MYH9: variants seen among roughly 807,000 people sequenced by gnomAD.
MYH9 encodes the protein myosin heavy chain 9.
A neutral mutation model predicts 241.9 loss-of-function variants in MYH9; 29 were observed. That is an observed-to-expected ratio of 0.12 (90% CI 0.09 to 0.16). MYH9 has a LOEUF of 0.16. MYH9 is among the 10% of genes least tolerant of loss of function. MYH9 has a pLI of 1.00. For missense variants in MYH9, 1,803 were observed against 2,595.5 expected (o/e 0.69, Z 6.63); for synonymous variants, 1,047 against 1,062.6 (o/e 0.99, Z 0.29).
At chr22:36,338,511 G>A (rs185494107) in intron 3 of MYH9, among the ~76,000 whole-genome samples, 8 of 152,078 alleles carry the variant, frequency 5.3e-5, no homozygotes, top group African/African-American at 1.7e-4. Flanking sequence ...CCTATCCCTG[G>A]TCTCCAAAAG....
At chr22:36,385,483 C>CA (rs1214108071) in intron 1 of MYH9, among the ~76,000 whole-genome samples, 15 of 152,110 alleles carry the variant, frequency 9.9e-5, no homozygotes, top group African/African-American at 3.6e-4. Flanking sequence ...CAAGAGCGGG[C>CA]AAAAGGCAGG....
intron 2 of MYH9, among the ~76,000 whole-genome samples, chr22:36,344,461 GCAGCACC>G (rs2017643173): frequency 2.0e-5 from 3 of 151,946 alleles, no homozygotes; most frequent in African/African-American, 4.8e-5. Flanking sequence ...CCCCATCCAG[GCAGCACC>G]TCCCCATCCA....
chr22:36,298,939 G>T lies in MYH9; in HGVS notation c.3080C>A (p.Ala1027Glu), dbSNP rs1279963355. The change falls in exon 24 of 41, where the codon GCA (alanine) becomes GAA (glutamate). Residue 1027 changes from alanine (A) to glutamate (E), a missense_variant. This residue lies in a region of MYH9 where 290 missense variants were observed against 360.5 expected (regional missense o/e 0.80). Transcript: ENST00000216181. The stretch of plus-strand genomic sequence containing the variant: ...CTCACCTTCCAAGTCAGTGATCATT[G>T]CCTCATGCTTGTTCTTGAGCTTGGC... ...SLAKLKNKHE[A>E]MITDLEERLR... 1.9e-6 allele frequency: 3 copies of T among 1,613,870 alleles called. No homozygotes were observed. In the Admixed American group the frequency reaches 5.0e-5, roughly 27 times the overall value.
rs2017588238 is a variant in MYH9, at chr22:36,341,417, G to A, written c.443C>T (p.Pro148Leu). Residue 148 changes from proline to leucine, a missense_variant, in exon 3 of 41, where the codon CCT becomes CTT. By Grantham distance (98) the Pro-to-Leu change is moderately conservative. This residue lies in a region of MYH9 where 72 missense variants were observed against 134.3 expected (regional missense o/e 0.54). Transcript: ENST00000216181. ...YKGKKRHEMP[P>L]HIYAITDTAY... The stretch of plus-strand genomic sequence containing the variant: ...GGTGTCTGTGATGGCATAGATGTGA[G>A]GGGGCATCTCGTGCCTCTTCTTGCC... 1 of 1,614,068 alleles carries A rather than the reference G, an allele frequency of 6.2e-7. No homozygotes were observed. The highest frequency in any genetic ancestry group is 1.3e-5 in the African/African-American group (1 of 74,942).
chr22:36,346,302 A>C (rs1448571862), intron 2 of MYH9, among the ~76,000 whole-genome samples: 1 of 152,260 alleles, frequency 6.6e-6, no homozygotes, highest in Non-Finnish European at 1.5e-5. Context: ...CTGATTTAGC[A>C]ATCAACAAGG....
chr22:36,385,168 TTTTC>T (rs2018332451), intron 1 of MYH9, among the ~76,000 whole-genome samples: 1 of 149,658 alleles, frequency 6.7e-6, no homozygotes, highest in Admixed American at 6.7e-5. Flanking sequence ...GGGTTTTTTT[TTTTC>T]TCTCTCTCTC....
At position 36,281,345 on chromosome 22, in the gene MYH9, G is replaced by A. The variant is rs2016484775; in HGVS notation, c.*1323C>T. On this transcript the variant is annotated 3_prime_UTR_variant, in exon 41 of 41. Coordinates refer to ENST00000216181, the MANE Select transcript of MYH9 (RefSeq NM_002473.6). The stretch of plus-strand genomic sequence containing the variant: ...ATCTGTAAACCAGCTTACTGTAGTG[G>A]TGACAGCTGCAACACATGCTAAGGC... The A allele has an allele frequency of 4.6e-6, 1 of 217,796 alleles. No individual in the cohort carries two copies. The highest frequency in any genetic ancestry group is 5.8e-5 in the Admixed American group (1 of 17,192). The allele number at this position is 217,796 out of a possible 1,614,324, so 13.5% of individuals were successfully genotyped here.
rs765908295 is a variant in MYH9, at chr22:36,294,081, G to A, written c.3837+11C>T. 25 of 1,606,842 alleles carry A rather than the reference G, an allele frequency of 1.6e-5. No individual in the cohort carries two copies. The highest frequency in any genetic ancestry group is 2.2e-5 in the East Asian group (1 of 44,886). ...CCACTGCCCGCGCCAGGGTCCTGGC[G>A]GAGGCCTCACCTGCAGCTTGGTGAC... On this transcript the variant is annotated intron_variant, in intron 28 of 40. Transcript: ENST00000216181.
chr22:36,296,938 G>A lies in MYH9; in HGVS notation c.3177C>T (p.Asp1059=), dbSNP rs140004540. 9.9e-6 allele frequency: 16 copies of A among 1,614,132 alleles called. No homozygotes were observed. The highest frequency in any genetic ancestry group is 1.3e-5 in the Non-Finnish European group (15 of 1,180,020). ...TRRKLEGDST[D]LSDQIAELQA... ...GGAGCTCGGCGATCTGGTCGCTGAG[G>A]TCTGTGGAGTCTCCCTCCAGCTTCC... The change falls in exon 25 of 41, where the codon GAC becomes GAT. Residue 1059 remains aspartate (D), a synonymous_variant. Coordinates refer to ENST00000216181, the MANE Select transcript of MYH9 (RefSeq NM_002473.6).
intron 3 of MYH9, among the ~76,000 whole-genome samples, chr22:36,334,474 G>C (rs1257703163): frequency 6.6e-6 from 1 of 152,230 alleles, no homozygotes; most frequent in Non-Finnish European, 1.5e-5. Flanking sequence ...CCTCAGCTCT[G>C]CGTGGACCAG....
rs2017728081 is a variant in MYH9 at position 36,349,161 on chromosome 22, A to G, written c.76T>C (p.Trp26Arg). ...FINNPLAQADWAAKKLVWVPS... is the reference protein window; with the variant it reads ...FINNPLAQADRAAKKLVWVPS... The stretch of plus-strand genomic sequence containing the variant: ...ACCCATACCAGCTTCTTGGCAGCCC[A>G]GTCGGCCTGGGCCAGCGGATTGTTG... Residue 26 changes from tryptophan (W) to arginine (R), a missense_variant, in exon 2 of 41, where the codon TGG becomes CGG. By Grantham distance (101) the Trp-to-Arg change is moderately radical. This residue lies in a region of MYH9 where 75 missense variants were observed against 79.1 expected (regional missense o/e 0.95). Coordinates refer to ENST00000216181, the MANE Select transcript of MYH9 (RefSeq NM_002473.6). 1.2e-6 allele frequency: 2 copies of G among 1,614,112 alleles called. No homozygotes were observed. The highest frequency in any genetic ancestry group is 1.3e-5 in the African/African-American group (1 of 74,950).
chr22:36,298,469 A>G (rs1291622998), intron 24 of MYH9, among the ~76,000 whole-genome samples: 1 of 152,198 alleles, frequency 6.6e-6, no homozygotes, highest in Non-Finnish European at 1.5e-5. Context: ...TGAAATTCTC[A>G]CAGACACCCT....
chr22:36,302,433 A>C lies in MYH9; in HGVS notation c.2499+135T>G, dbSNP rs887681549. 3.6e-5 allele frequency: 26 copies of C among 727,372 alleles called. No individual in the cohort carries two copies. In the East Asian group the frequency reaches 7.2e-4, roughly 20 times the overall value. 45.1% of individuals were successfully genotyped at this position (727,372 alleles called of 1,614,324 possible). ...GAGGCTGAGGTAGGAGGATTGCTGGAGCCCAAGAGTTTGTGACCAACCTGG... is the reference window on the plus strand; with the variant it reads ...GAGGCTGAGGTAGGAGGATTGCTGGCGCCCAAGAGTTTGTGACCAACCTGG... On this transcript the variant is annotated intron_variant, in intron 20 of 40. Transcript: ENST00000216181.
At chr22:36,309,749 A>ATGT (rs1488152615) in intron 14 of MYH9, among the ~76,000 whole-genome samples, 1 of 152,016 alleles carries the variant, frequency 6.6e-6, no homozygotes, top group Non-Finnish European at 1.5e-5. Context: ...GGACAACAAA[A>ATGT]TGTTACTATT....
At chr22:36,326,779 C>A (rs773170337) in intron 4 of MYH9, 118 bp from the exon 5 acceptor site, 1 of 843,918 alleles carries the variant, frequency 1.2e-6, no homozygotes, top group East Asian at 2.5e-5. Flanking sequence ...AAGGACCCAA[C>A]GTGTGGCAGA....
At chr22:36,292,420 C>A (rs922507183) in intron 30 of MYH9, among the ~76,000 whole-genome samples, 186 bp from the exon 31 acceptor site, 1 of 152,224 alleles carries the variant, frequency 6.6e-6, no homozygotes, top group Admixed American at 6.5e-5. Context: ...GGAGCTTCTG[C>A]AAAGGGGCAT....
In MYH9 at chr22:36,305,177, T is replaced by G; in HGVS notation, c.2160-75A>C. The stretch of plus-strand genomic sequence containing the variant: ...ACATGCCTGGAATATAGGCGAGAGA[T>G]TAACATCATTTCTACAATGCAACAG... On this transcript the variant is annotated intron_variant, in intron 17 of 40. Transcript: ENST00000216181. The surrounding 1 kb of genome is among the most constrained non-coding windows in gnomAD (Gnocchi z 4.7). 1 of 1,250,592 alleles carries G rather than the reference T, an allele frequency of 8.0e-7. No individual in the cohort carries two copies. The highest frequency in any genetic ancestry group is 1.7e-5 in the Admixed American group (1 of 58,278). 77.5% of individuals were successfully genotyped at this position (1,250,592 alleles called of 1,614,324 possible).
At chr22:36,386,503 G>A (rs1394447235) in intron 1 of MYH9, among the ~76,000 whole-genome samples, 1 of 152,212 alleles carries the variant, frequency 6.6e-6, no homozygotes, top group Non-Finnish European at 1.5e-5. Context: ...GCGCTGCACG[G>A]AGAAGGAGCT....
chr22:36,322,613 G>A lies in MYH9; in HGVS notation c.613-92C>T, dbSNP rs1300379469. 6 of 1,255,228 alleles carry A rather than the reference G, an allele frequency of 4.8e-6. No homozygotes were observed. In the African/African-American group the frequency reaches 7.4e-5, roughly 15 times the overall value. The allele number at this position is 1,255,228 out of a possible 1,614,324, so 77.8% of individuals were successfully genotyped here. On this transcript the variant is annotated intron_variant, in intron 5 of 40. Transcript: ENST00000216181. ...GGAAGGGGGACGATGGCAGAGCCGT[G>A]TCAGCATGTCCAACGTGCCAGGAAC...
Sources: gnomAD v4.1 joint callset for allele counts (sites outside exome capture counted in the v4.1 genomes callset) on GRCh38, gnomAD v4.1.1 for gene constraint, gnomAD v4.1.1 regional missense constraint, Gnocchi (gnomAD v3.1) non-coding constraint, MANE v1.5 for transcripts, NCBI Gene and HGNC (gene_info 2026-07-23, HGNC 2026-07-21) for gene names.